The following CSMD1 variants were observed in gnomAD, a reference collection of about 807,000 sequenced individuals.
CSMD1 encodes the protein CUB and Sushi multiple domains 1.
A neutral mutation model predicts 417.5 loss-of-function variants in CSMD1; 213 were observed. That is an observed-to-expected ratio of 0.51 (90% CI 0.46 to 0.57). The LOEUF (loss-of-function observed/expected upper bound fraction) is 0.57. Ranked by LOEUF, CSMD1 falls within the 20% of genes least tolerant of loss-of-function variation. The pLI is 0.00. For missense variants in CSMD1, 6,923 were observed against 4,529.7 expected (o/e 1.53, Z -15.17); for synonymous variants, 2,862 against 1,736.8 (o/e 1.65, Z -16.11).
At chr8:4,847,797 C>T (rs1459704377) in intron 1 of CSMD1, among the ~76,000 whole-genome samples, 8 of 143,598 alleles carry the variant, frequency 5.6e-5, no homozygotes, top group Admixed American at 1.4e-4. Context: ...TTTTTTTTGA[C>T]GGCTTGAGAT....
At chr8:3,443,436 A>G (rs1473722011) in intron 12 of CSMD1, among the ~76,000 whole-genome samples, 1 of 152,194 alleles carries the variant, frequency 6.6e-6, no homozygotes, top group Non-Finnish European at 1.5e-5. Flanking sequence ...TGCTTACCCA[A>G]TTTGGGAGGC....
intron 12 of CSMD1, among the ~76,000 whole-genome samples, chr8:3,466,495 C>T (rs1035617006): frequency 3.3e-5 from 5 of 152,018 alleles, no homozygotes; most frequent in African/African-American, 9.7e-5. Context: ...CTGCAAGCTC[C>T]ACTACCCGGG....
intron 17 of CSMD1, among the ~76,000 whole-genome samples, chr8:3,391,535 G>A (rs779153268): frequency 5.4e-4 from 82 of 152,112 alleles, no homozygotes; most frequent in Non-Finnish European, 9.3e-4. Flanking sequence ...CACATTCCTC[G>A]TAAAGAATGG....
intron 2 of CSMD1, among the ~76,000 whole-genome samples, chr8:4,447,025 G>T (rs953701880): frequency 6.6e-6 from 1 of 152,008 alleles, no homozygotes; most frequent in African/African-American, 2.4e-5. Context: ...GGATTGTGGA[G>T]TTAACAAAAA....
At chr8:4,339,979 G>T (rs957189820) in intron 3 of CSMD1, among the ~76,000 whole-genome samples, 1 of 152,058 alleles carries the variant, frequency 6.6e-6, no homozygotes, top group East Asian at 1.9e-4. Context: ...AGCGGTGATA[G>T]CAACACTGCA....
At chr8:3,120,303 T>C (rs556507817) in intron 41 of CSMD1, among the ~76,000 whole-genome samples, 16 of 152,316 alleles carry the variant, frequency 1.1e-4, no homozygotes, top group African/African-American at 3.4e-4. Flanking sequence ...GTCTGTGTTT[T>C]ATATTAAAGC....
intron 10 of CSMD1, among the ~76,000 whole-genome samples, chr8:3,540,476 C>T (rs1045790968): frequency 1.8e-4 from 28 of 151,998 alleles, no homozygotes; most frequent in African/African-American, 5.1e-4. Flanking sequence ...TCACGGGCAA[C>T]GAATTCATGA....
chr8:3,190,895 C>T (rs1291876724), intron 33 of CSMD1, among the ~76,000 whole-genome samples: 2 of 152,146 alleles, frequency 1.3e-5, no homozygotes, highest in Non-Finnish European at 2.9e-5. Context: ...GATTCTACTT[C>T]TATGGGGAGA....
intron 1 of CSMD1, among the ~76,000 whole-genome samples, chr8:4,869,048 A>G (rs1464317943): frequency 6.6e-6 from 1 of 151,970 alleles, no homozygotes; most frequent in Non-Finnish European, 1.5e-5. Flanking sequence ...ACCATTTCCA[A>G]ACATTATCAT....
At chr8:2,954,546 C>G (rs1200714533) in intron 64 of CSMD1, among the ~76,000 whole-genome samples, 1 of 152,014 alleles carries the variant, frequency 6.6e-6, no homozygotes, top group Non-Finnish European at 1.5e-5. Flanking sequence ...AAGGAGGGTG[C>G]CTTCTATGAC....
chr8:4,387,348 C>T (rs1351074737), intron 3 of CSMD1, among the ~76,000 whole-genome samples: 13 of 151,974 alleles, frequency 8.6e-5, no homozygotes, highest in Admixed American at 7.2e-4. Context: ...AATGAGCCTA[C>T]ACTCAGAAGT....
rs527268956 is a variant in CSMD1, at chr8:3,251,929, T to C, written c.4154-21698A>G. 3.3e-5 allele frequency among the ~76,000 whole-genome samples: 5 copies of C among 152,374 alleles called. No homozygotes were observed. In the East Asian group the frequency reaches 9.6e-4, roughly 29 times the overall value. On this transcript the variant is annotated intron_variant, in intron 26 of 69. Transcript: ENST00000635120. ...ACATTGATTTTGTATCCTGAGACTT[T>C]GCTGAAGTTGCTTATCAGCTTAAGG...
chr8:4,647,549 C>G (rs1356263064), intron 1 of CSMD1, among the ~76,000 whole-genome samples: 1 of 152,074 alleles, frequency 6.6e-6, no homozygotes, highest in Non-Finnish European at 1.5e-5. Flanking sequence ...GACCCCTCCT[C>G]TAAGTTCCCT....
intron 1 of CSMD1, among the ~76,000 whole-genome samples, chr8:4,726,509 G>C (rs904208851): frequency 1.3e-5 from 2 of 152,006 alleles, no homozygotes; most frequent in Non-Finnish European, 2.9e-5. Context: ...GACCTCAATG[G>C]ACAGGGCTTT....
intron 3 of CSMD1, among the ~76,000 whole-genome samples, chr8:4,116,538 G>A (rs1164781278): frequency 1.4e-5 from 1 of 73,040 alleles, no homozygotes; most frequent in African/African-American, 5.9e-5. Flanking sequence ...TACCTGGATG[G>A]AACAAACGCG....
rs188504135 is a variant in CSMD1 at position 3,677,848 on chromosome 8, T to C, written c.1009+30566A>G. On this transcript the variant is annotated intron_variant, in intron 7 of 69. Transcript: ENST00000635120. ...ATATTTCAATAACATTCTTTAACTC[T>C]AAACCCCCTTGCTGAAGCCATTTCA... Among the ~76,000 whole-genome samples the C allele has an allele frequency of 9.1e-4, 139 of 152,246 alleles. No homozygotes were observed. In the East Asian group the frequency reaches 0.011, roughly 12 times the overall value.
chr8:4,101,450 T>C (rs578250032), intron 3 of CSMD1, among the ~76,000 whole-genome samples: 1 of 152,170 alleles, frequency 6.6e-6, no homozygotes, highest in African/African-American at 2.4e-5. Context: ...CCTTGTGCTC[T>C]GACACTGTCA....
rs1476042426 is a variant in CSMD1, at chr8:4,502,197, A to AT, written c.303-82133dup. On this transcript the variant is annotated intron_variant, in intron 2 of 69. Transcript: ENST00000635120. ...AGTAATCATTCTTATGAACAGAAAC[A>AT]TTTTTTTTTTACTATTGCAGTAGAA... Among the ~76,000 whole-genome samples, 1,023 of 149,840 alleles carry AT rather than the reference A, an allele frequency of 6.8e-3. 9 individuals are homozygous for AT. The highest frequency in any genetic ancestry group is 0.021 in the African/African-American group (848 of 40,976).
At chr8:4,074,590 CA>C (rs1052062471) in intron 3 of CSMD1, among the ~76,000 whole-genome samples, 1 of 152,090 alleles carries the variant, frequency 6.6e-6, no homozygotes, top group African/African-American at 2.4e-5. Flanking sequence ...TATTCTACCA[CA>C]AATCATTTCA....
Sources: allele counts gnomAD v4.1 joint callset (sites outside exome capture counted in the v4.1 genomes callset), GRCh38; gene constraint gnomAD v4.1.1; transcripts MANE v1.5; gene names NCBI Gene and HGNC (gene_info 2026-07-23, HGNC 2026-07-21).